The following AMER3 variants were observed in gnomAD, a reference collection of about 807,000 sequenced individuals.
AMER3 encodes the protein family with sequence similarity 123C.
For missense variants in AMER3, 1,201 were observed against 1,139.4 expected, an observed-to-expected ratio of 1.05 and a Z score of -0.78; for synonymous variants, 541 against 485.5, an observed-to-expected ratio of 1.11 and a Z score of -1.50.
intron 1 of AMER3, among the ~76,000 whole-genome samples, chr2:130,757,514 T>A (rs145389386): frequency 6.2e-4 from 94 of 152,090 alleles, no homozygotes; most frequent in Non-Finnish European, 1.2e-3. Context: ...TCAGGCCGGG[T>A]GTGGTGTGTA....
chr2:130,761,783 G>A (rs1460333436), intron 1 of AMER3, among the ~76,000 whole-genome samples: 2 of 152,184 alleles, frequency 1.3e-5, no homozygotes, highest in Non-Finnish European at 1.5e-5. Flanking sequence ...CACAGAACAC[G>A]GAGTCTGAAT....
chr2:130,758,557 C>CG (rs1678686087), intron 1 of AMER3, among the ~76,000 whole-genome samples: 1 of 152,180 alleles, frequency 6.6e-6, no homozygotes, highest in Non-Finnish European at 1.5e-5. Context: ...AAACATTTGA[C>CG]TAAGATATCT....
In AMER3 at chr2:130,763,234, T is replaced by G; in HGVS notation, c.1162T>G (p.Tyr388Asp). ...CGTGTCCACAAGTGACGAGGGCTAC[T>G]ATGATTCCTTCTCGCCAGGACTTGA... ...ESVSTSDEGY[Y>D]DSFSPGLEED... is the part of the protein sequence containing the mutation. The change falls in exon 2 of 2, where the codon TAT becomes GAT. Residue 388 changes from tyrosine to aspartate, a missense_variant. By Grantham distance (160) the Tyr-to-Asp change is radical (BLOSUM62 -3). Transcript: ENST00000321420. 6.2e-7 allele frequency: 1 copy of G among 1,613,876 alleles called. No homozygotes were observed. Among genetic ancestry groups the G allele is most frequent in the Non-Finnish European group, 8.5e-7 (1 of 1,180,010 alleles).
rs1246369349 is a variant in AMER3, at chr2:130,763,640, C to A, written c.1568C>A (p.Thr523Asn). ...RRGPTPRAPP[T>N]PGQPAAPPGS... ...GGCCCCACGCCCCGTGCCCCACCCA[C>A]CCCTGGGCAGCCTGCAGCTCCACCT... Residue 523 changes from threonine (T) to asparagine (N), a missense_variant, in exon 2 of 2, where the codon ACC becomes AAC. Transcript: ENST00000321420. The A allele has an allele frequency of 6.5e-7, 1 of 1,536,326 alleles. No individual in the cohort carries two copies. The highest frequency in any genetic ancestry group is 8.8e-7 in the Non-Finnish European group (1 of 1,142,336).
At position 130,765,464 on chromosome 2, in the gene AMER3, C is replaced by CCA; in HGVS notation, c.*815_*816dup. 1 of 167,112 alleles carries CCA rather than the reference C, an allele frequency of 6.0e-6. No homozygotes were observed. 10.4% of individuals were successfully genotyped at this position (167,112 alleles called of 1,614,324 possible). A position where few individuals can be genotyped will look rare whatever the true frequency, so the allele number is the denominator to read the frequency against. On this transcript the variant is annotated 3_prime_UTR_variant, in exon 2 of 2. Coordinates refer to ENST00000321420, the MANE Select transcript of AMER3 (RefSeq NM_152698.3). ...GAAGTCAATCTATGATGCGTCACCACCACACACACAGTTGCCCAAAGAGCG... is the reference window on the plus strand; with the variant it reads ...GAAGTCAATCTATGATGCGTCACCACCACACACACACAGTTGCCCAAAGAGCG...
At chr2:130,759,913 G>A (rs1308463693) in intron 1 of AMER3, among the ~76,000 whole-genome samples, 1 of 152,206 alleles carries the variant, frequency 6.6e-6, no homozygotes, top group Non-Finnish European at 1.5e-5. Flanking sequence ...TTAGGTGGGT[G>A]TAACCAAGAC....
intron 1 of AMER3, among the ~76,000 whole-genome samples, chr2:130,758,218 A>G (rs1462140001): frequency 1.4e-5 from 2 of 144,374 alleles, no homozygotes; most frequent in Non-Finnish European, 3.0e-5. Flanking sequence ...AAAAAAATTA[A>G]CTGGGCGTGG....
intron 1 of AMER3, among the ~76,000 whole-genome samples, chr2:130,760,124 C>T (rs1391423935): frequency 2.0e-5 from 3 of 152,246 alleles, no homozygotes; most frequent in African/African-American, 7.2e-5. Flanking sequence ...TCAGGGCAGT[C>T]TCCCTCTGTC....
rs190910148 is a variant in AMER3, at chr2:130,763,961, A to G, written c.1889A>G (p.Asn630Ser). Residue 630 changes from asparagine (N) to serine (S), a missense_variant, in exon 2 of 2, where the codon AAT becomes AGT. Coordinates refer to ENST00000321420, the MANE Select transcript of AMER3 (RefSeq NM_152698.3). ...ATSTTDTSGK[N>S]KAPVPSTWPC... is the part of the protein sequence containing the mutation. ...TCGACAACAGATACTTCCGGTAAAAATAAGGCCCCAGTTCCTTCTACCTGG... is the reference window on the plus strand; with the variant it reads ...TCGACAACAGATACTTCCGGTAAAAGTAAGGCCCCAGTTCCTTCTACCTGG... 1 of 1,613,792 alleles carries G rather than the reference A, an allele frequency of 6.2e-7. No homozygotes were observed.
intron 1 of AMER3, among the ~76,000 whole-genome samples, chr2:130,758,731 AG>A (rs1362936541): frequency 6.6e-6 from 1 of 152,218 alleles, no homozygotes; most frequent in Admixed American, 6.5e-5. Flanking sequence ...CCCGAAGGGT[AG>A]GGACGGGTCT....
chr2:130,755,861 G>T (rs150969870), intron 1 of AMER3, 187 bp downstream of exon 1: 2,235 of 152,284 alleles, frequency 0.015, 36 homozygotes, highest in African/African-American at 0.044. Flanking sequence ...TGCTGCGGTC[G>T]GCAGGGCTGG....
In AMER3 at chr2:130,765,474, A is replaced by G. The variant is rs911965903; in HGVS notation, c.*816A>G. Reference sequence around the variant, plus strand: ...TATGATGCGTCACCACCACACACACAGTTGCCCAAAGAGCGGAGATGGCAA... The same window carrying G: ...TATGATGCGTCACCACCACACACACGGTTGCCCAAAGAGCGGAGATGGCAA... On this transcript the variant is annotated 3_prime_UTR_variant, in exon 2 of 2. Transcript: ENST00000321420. 4.8e-5 allele frequency: 8 copies of G among 167,036 alleles called. No homozygotes were observed. The highest frequency in any genetic ancestry group is 1.4e-4 in the African/African-American group (6 of 41,486). The allele number at this position is 167,036 out of a possible 1,614,324, so 10.3% of individuals were successfully genotyped here.
intron 1 of AMER3, among the ~76,000 whole-genome samples, chr2:130,756,903 C>A (rs540197720): frequency 6.8e-5 from 10 of 146,782 alleles, no homozygotes; most frequent in African/African-American, 2.5e-4. Context: ...CTACTGAGAA[C>A]GCTATTGCCC....
rs1678936499 is a variant in AMER3, at chr2:130,764,731, C to CT, written c.*74dup. On this transcript the variant is annotated 3_prime_UTR_variant, in exon 2 of 2. Transcript: ENST00000321420. ...TCAGGAGAGCCTAGGACTCAAATCTCTATCTTTTGTCCCTGATGTGGGGAC... is the reference window on the plus strand; with the variant it reads ...TCAGGAGAGCCTAGGACTCAAATCTCTTATCTTTTGTCCCTGATGTGGGGAC... 2.1e-6 allele frequency: 3 copies of CT among 1,427,762 alleles called. No individual in the cohort carries two copies. The highest frequency in any genetic ancestry group is 2.6e-5 in the Admixed American group (1 of 38,120). The allele number at this position is 1,427,762 out of a possible 1,614,324, so 88.4% of individuals were successfully genotyped here.
chr2:130,763,484 C>A lies in AMER3; in HGVS notation c.1412C>A (p.Ala471Asp). Residue 471 changes from alanine (A) to aspartate (D), a missense_variant, in exon 2 of 2, where the codon GCC becomes GAC. Transcript: ENST00000321420. ...SFRVGAEENL[A>D]PAPGPDLLSQ... is the part of the protein sequence containing the mutation. ...CGAGTGGGGGCCGAGGAGAACTTGG[C>A]CCCAGCACCAGGCCCTGACCTGCTC... is the stretch of plus-strand genomic sequence containing the variant. The A allele has an allele frequency of 6.2e-7, 1 of 1,612,444 alleles. No individual in the cohort carries two copies. Among genetic ancestry groups the A allele is most frequent in the South Asian group, 1.1e-5 (1 of 91,030 alleles).
intron 1 of AMER3, among the ~76,000 whole-genome samples, chr2:130,760,150 A>C (rs1330305087): frequency 2.0e-5 from 3 of 152,340 alleles, no homozygotes; most frequent in East Asian, 3.9e-4. Flanking sequence ...TGCCACTAGC[A>C]ACAGCTGAGC....
In AMER3 at chr2:130,764,328, G is replaced by C. The variant is rs751658814; in HGVS notation, c.2256G>C (p.Leu752=). The C allele has an allele frequency of 6.1e-5, 98 of 1,608,842 alleles. No homozygotes were observed. Among genetic ancestry groups the C allele is most frequent in the Non-Finnish European group, 8.1e-5 (95 of 1,176,592 alleles). ...DQRCRDRVQD[L]SWLRVEPTGL... ...GGTGTCGAGATCGTGTCCAGGACCT[G>C]AGCTGGCTCAGGGTGGAGCCCACCG... The change falls in exon 2 of 2, where the codon CTG becomes CTC. Residue 752 remains leucine, a synonymous_variant. Transcript: ENST00000321420.
In AMER3 at chr2:130,763,680, C is replaced by T. The variant is rs774217643; in HGVS notation, c.1608C>T (p.Ala536=). The T allele has an allele frequency of 1.3e-6, 2 of 1,531,436 alleles. No homozygotes were observed. The highest frequency in any genetic ancestry group is 1.8e-6 in the Non-Finnish European group (2 of 1,142,692). 94.9% of individuals were successfully genotyped at this position (1,531,436 alleles called of 1,614,324 possible). ...CAGCTCCACCTGGTTCCCAGGGAGC[C>T]CCTAGGGCACCCACAGAGAAGCTGG... ...QPAAPPGSQG[A]PRAPTEKLGG... is the part of the protein sequence containing the mutation. Residue 536 remains alanine, a synonymous_variant, in exon 2 of 2, where the codon GCC becomes GCT. Transcript: ENST00000321420.
rs191484242 is a variant in AMER3 at position 130,762,176 on chromosome 2, G to T, written c.104G>T (p.Gly35Val). The T allele has an allele frequency of 8.1e-6, 13 of 1,601,372 alleles. No individual in the cohort carries two copies. Among genetic ancestry groups the T allele is most frequent in the African/African-American group, 1.3e-5 (1 of 74,912 alleles). ...GTGGCTGCAGCCAGGGAGGGGACAGGCCCCTGGTCAGTCCTTCCAGGAGGG... is the reference window on the plus strand; with the variant it reads ...GTGGCTGCAGCCAGGGAGGGGACAGTCCCCTGGTCAGTCCTTCCAGGAGGG... Reference protein sequence around the residue: ...AAVAAAREGTGPWSVLPGGQQ... With the variant: ...AAVAAAREGTVPWSVLPGGQQ... The change falls in exon 2 of 2, where the codon GGC becomes GTC. Residue 35 changes from glycine (G) to valine (V), a missense_variant. Coordinates refer to ENST00000321420, the MANE Select transcript of AMER3 (RefSeq NM_152698.3).
Sources: allele counts gnomAD v4.1 joint callset (sites outside exome capture counted in the v4.1 genomes callset), GRCh38; gene constraint gnomAD v4.1.1; transcripts MANE v1.5; gene names NCBI Gene and HGNC (gene_info 2026-07-23, HGNC 2026-07-21).